H3-3A: variants seen among roughly 807,000 people sequenced by gnomAD.
H3-3A encodes the protein histone H3.3.
For synonymous variants in H3-3A, 49 were observed against 61.4 expected (o/e 0.80, Z 0.95); for missense variants, 7 against 184.0 (o/e 0.04, Z 5.57).
chr1:226,070,729 C>T (rs1658087816), intron 3 of H3-3A, among the ~76,000 whole-genome samples: 3 of 150,244 alleles, frequency 2.0e-5, no homozygotes, highest in African/African-American at 4.9e-5. Context: ...GCCGAGATCG[C>T]GCTACTGCAC....
At chr1:226,070,345 G>A (rs1053087706) in intron 3 of H3-3A, among the ~76,000 whole-genome samples, 2 of 152,098 alleles carry the variant, frequency 1.3e-5, no homozygotes, top group East Asian at 1.9e-4. Context: ...GGTGGTGGGC[G>A]CCTGTAGCCC....
At chr1:226,068,569 T>G (rs2102739584) in intron 3 of H3-3A, among the ~76,000 whole-genome samples, 1 of 152,348 alleles carries the variant, frequency 6.6e-6, no homozygotes, top group East Asian at 1.9e-4. Flanking sequence ...TTCCAGGATT[T>G]CTACCCACTT....
chr1:226,062,547 A>AG (rs1657752900), upstream of H3-3A: 1 of 92,484 alleles, frequency 1.1e-5, no homozygotes, highest in Non-Finnish European at 2.2e-5. Context: ...CGCGCGGGGG[A>AG]GGGGCGAGCG....
At chr1:226,069,564 G>T (rs1658035809) in intron 3 of H3-3A, among the ~76,000 whole-genome samples, 1 of 152,108 alleles carries the variant, frequency 6.6e-6, no homozygotes, top group African/African-American at 2.4e-5. Context: ...GGGCATGGCG[G>T]CTCACACCTG....
chr1:226,066,614 T>G (rs980822108), intron 3 of H3-3A: 2 of 152,216 alleles, frequency 1.3e-5, no homozygotes, highest in Admixed American at 1.3e-4. Flanking sequence ...TAACCTATTT[T>G]ATATTGTGTG....
intron 3 of H3-3A, among the ~76,000 whole-genome samples, chr1:226,070,550 GA>G (rs1318564301): frequency 6.6e-6 from 1 of 152,126 alleles, no homozygotes; most frequent in Non-Finnish European, 1.5e-5. Flanking sequence ...AAGGTGGGTG[GA>G]TCACGAGGTC....
At chr1:226,066,028 G>A (rs1657912097) in intron 3 of H3-3A, 4 of 589,534 alleles carry the variant, frequency 6.8e-6, no homozygotes, top group Non-Finnish European at 1.2e-5. Flanking sequence ...CCAAGGCTTA[G>A]TGCACATTCC....
chr1:226,064,598 G>A, intron 2 of H3-3A, 119 bp downstream of exon 2: 1 of 679,474 alleles, frequency 1.5e-6, no homozygotes, highest in South Asian at 1.9e-5. Context: ...TTTTTCATTT[G>A]AACACTTAAC....
In H3-3A at chr1:226,062,806, AG is replaced by A. The variant is rs1050403597; in HGVS notation, c.-24+1del. On this transcript the variant is annotated 5_prime_UTR_variant, in exon 1 of 4. Transcript: ENST00000366815. ...CTCGCCGAGCTCCAGCCGAAGGAGA[AG>A]GGGGGTAAGTTTCCCCGTCTGCCCG... 2.4e-5 allele frequency: 4 copies of A among 164,982 alleles called. No individual in the cohort carries two copies. Among genetic ancestry groups the A allele is most frequent in the Non-Finnish European group, 1.4e-5 (1 of 70,306 alleles). 10.2% of individuals were successfully genotyped at this position (164,982 alleles called of 1,614,324 possible).
intron 3 of H3-3A, among the ~76,000 whole-genome samples, chr1:226,068,138 T>G (rs971030539): frequency 1.3e-5 from 2 of 152,232 alleles, no homozygotes; most frequent in African/African-American, 4.8e-5. Context: ...AGGTCATAAA[T>G]TAGTGTGGCA....
chr1:226,064,935 CT>C (rs1276076183), intron 2 of H3-3A, among the ~76,000 whole-genome samples: 6 of 152,250 alleles, frequency 3.9e-5, no homozygotes, highest in East Asian at 3.9e-4. Context: ...TGTATTAGCT[CT>C]TTTGATTGTG....
At chr1:226,066,258 A>C (rs1481634597) in intron 3 of H3-3A, 1 of 175,322 alleles carries the variant, frequency 5.7e-6, no homozygotes, top group African/African-American at 2.4e-5. Flanking sequence ...CTAGGATGGG[A>C]ATAGGCAGTA....
At position 226,064,399 on chromosome 1, in the gene H3-3A, A is replaced by C. The variant is rs773440544; in HGVS notation, c.48A>C (p.Ala16=). The change falls in exon 2 of 4, where the codon GCA becomes GCC. Residue 16 remains alanine (A), a synonymous_variant. Coordinates refer to ENST00000366815, the MANE Select transcript of H3-3A (RefSeq NM_002107.7). ...CCCGCAAATCGACCGGTGGTAAAGCACCCAGGAAGCAACTGGCTACAAAAG... is the reference window on the plus strand; with the variant it reads ...CCCGCAAATCGACCGGTGGTAAAGCCCCCAGGAAGCAACTGGCTACAAAAG... ...QTARKSTGGK[A]PRKQLATKAA... 2 of 1,611,876 alleles carry C rather than the reference A, an allele frequency of 1.2e-6. No homozygotes were observed. Among genetic ancestry groups the C allele is most frequent in the Non-Finnish European group, 1.7e-6 (2 of 1,178,058 alleles).
At chr1:226,064,306 T>A (rs756841230) in intron 1 of H3-3A, 23 bp from the exon 2 acceptor site, 4 of 1,589,854 alleles carry the variant, frequency 2.5e-6, no homozygotes, top group Non-Finnish European at 3.4e-6. Context: ...ATATGGTGAT[T>A]TTTGATTTTT....
At chr1:226,063,693 A>G (rs1157062613) in intron 1 of H3-3A, among the ~76,000 whole-genome samples, 2 of 152,034 alleles carry the variant, frequency 1.3e-5, no homozygotes, top group Non-Finnish European at 2.9e-5. Context: ...TGCGTTAATT[A>G]AAGCCTGGGT....
In H3-3A at chr1:226,071,687, A is replaced by C; in HGVS notation, c.*208A>C. ...TCATTTGTGTGTGAATTTTTAATATAAATGCGGAGACGTAAAGCATTAATG... is the reference window on the plus strand; with the variant it reads ...TCATTTGTGTGTGAATTTTTAATATCAATGCGGAGACGTAAAGCATTAATG... On this transcript the variant is annotated 3_prime_UTR_variant, in exon 4 of 4. Transcript: ENST00000366815. 1 of 326,168 alleles carries C rather than the reference A, an allele frequency of 3.1e-6. No homozygotes were observed. The highest frequency in any genetic ancestry group is 5.4e-6 in the Non-Finnish European group (1 of 186,422). The allele number at this position is 326,168 out of a possible 1,614,324, so 20.2% of individuals were successfully genotyped here. A position where few individuals can be genotyped will look rare whatever the true frequency, so the allele number is the denominator to read the frequency against.
rs1248793086 is a variant in H3-3A at position 226,071,727 on chromosome 1, T to G, written c.*248T>G. 4.0e-6 allele frequency: 1 copy of G among 248,818 alleles called. No homozygotes were observed. The highest frequency in any genetic ancestry group is 7.3e-6 in the Non-Finnish European group (1 of 137,632). 15.4% of individuals were successfully genotyped at this position (248,818 alleles called of 1,614,324 possible). A position where few individuals can be genotyped will look rare whatever the true frequency, so the allele number is the denominator to read the frequency against. ...AAGCATTAATGCAAGTTAAAATGTTTCAGTGAACAAGTTTCAGCGGTTCAA... is the reference window on the plus strand; with the variant it reads ...AAGCATTAATGCAAGTTAAAATGTTGCAGTGAACAAGTTTCAGCGGTTCAA... On this transcript the variant is annotated 3_prime_UTR_variant, in exon 4 of 4. Transcript: ENST00000366815.
chr1:226,070,523 C>T (rs1658079730), intron 3 of H3-3A, among the ~76,000 whole-genome samples: 1 of 151,714 alleles, frequency 6.6e-6, no homozygotes, highest in Non-Finnish European at 1.5e-5. Context: ...CCTATAATCC[C>T]AGCACTTTGG....
At chr1:226,063,418 CA>C (rs11321424) in intron 1 of H3-3A, among the ~76,000 whole-genome samples, 67,717 of 151,830 alleles carry the variant, frequency 0.45, 15,365 homozygotes, top group African/African-American at 0.51. Flanking sequence ...ATTTGAAATG[CA>C]AAAAAAACTT....
Sources: allele counts gnomAD v4.1 joint callset (sites outside exome capture counted in the v4.1 genomes callset), GRCh38; gene constraint gnomAD v4.1.1; transcripts MANE v1.5; gene names NCBI Gene and HGNC (gene_info 2026-07-23, HGNC 2026-07-21).